KAT6B: variants seen among roughly 807,000 people sequenced by gnomAD.
The protein encoded by KAT6B is histone acetyltransferase KAT6B.
A neutral mutation model predicts 187.5 loss-of-function variants in KAT6B; 10 were observed. That is an observed-to-expected ratio of 0.05 (90% CI 0.03 to 0.09). The LOEUF is 0.09. Ranked by LOEUF, KAT6B falls within the 10% of genes least tolerant of loss-of-function variation. The pLI is 1.00. For missense variants in KAT6B, 1,952 were observed against 2,558.9 expected, an observed-to-expected ratio of 0.76 and a Z score of 5.12; for synonymous variants, 861 against 926.8, an observed-to-expected ratio of 0.93 and a Z score of 1.29.
At chr10:74,898,286 C>G (rs910618886) in intron 3 of KAT6B, among the ~76,000 whole-genome samples, 5 of 152,168 alleles carry the variant, frequency 3.3e-5, no homozygotes, top group Admixed American at 6.5e-5. Context: ...GCTGCTTCTA[C>G]CTGTGCTATG....
chr10:74,984,346 G>A (rs935497720), intron 11 of KAT6B: 1 of 152,160 alleles, frequency 6.6e-6, no homozygotes, highest in Admixed American at 6.5e-5. Flanking sequence ...TCTTGAATCT[G>A]CTGTGTTTTC....
At chr10:74,897,214 C>A (rs1042156581) in intron 3 of KAT6B, among the ~76,000 whole-genome samples, 1 of 152,138 alleles carries the variant, frequency 6.6e-6, no homozygotes. Context: ...TTATTATAAT[C>A]CTGAGCCTAA....
chr10:74,877,931 GAAAA>G (rs111871596), intron 3 of KAT6B, among the ~76,000 whole-genome samples: 1 of 129,972 alleles, frequency 7.7e-6, no homozygotes, highest in Non-Finnish European at 1.7e-5. Context: ...GATTGTAAAA[GAAAA>G]AAAAAAAGCA....
chr10:75,006,932 G>A (rs1385921883), intron 13 of KAT6B, among the ~76,000 whole-genome samples: 1 of 151,904 alleles, frequency 6.6e-6, no homozygotes, highest in African/African-American at 2.4e-5. Context: ...TCCGGGTGTT[G>A]CGGCATGCAC....
At chr10:75,021,374 G>C in intron 15 of KAT6B, 89 bp downstream of exon 15, 1 of 1,368,882 alleles carries the variant, frequency 7.3e-7, no homozygotes, top group Non-Finnish European at 1.0e-6. Flanking sequence ...GTTGTCAAAA[G>C]CTTGGTTATG....
chr10:74,942,979 TTAAG>T (rs1311347553), intron 3 of KAT6B, among the ~76,000 whole-genome samples: 2 of 152,062 alleles, frequency 1.3e-5, no homozygotes, highest in African/African-American at 2.4e-5. Context: ...TCTTACAGTA[TTAAG>T]TATTAATGAT....
At chr10:74,999,149 A>G (rs1843652655) in intron 13 of KAT6B, among the ~76,000 whole-genome samples, 1 of 152,256 alleles carries the variant, frequency 6.6e-6, no homozygotes, top group Admixed American at 6.5e-5. Context: ...GAGGCCTGAC[A>G]GTGAGGATGC....
rs146494314 is a variant in KAT6B, at chr10:75,029,655, G to A, written c.4831G>A (p.Val1611Ile). The change falls in exon 18 of 18, where the codon GTA becomes ATA. Residue 1611 changes from valine to isoleucine, a missense_variant. Physicochemically the swap from Val to Ile is conservative, Grantham distance 29. This residue lies in a region of KAT6B where 758 missense variants were observed against 891.4 expected (regional missense o/e 0.85). Transcript: ENST00000287239. This position sits in a 1 kb window ranked among gnomAD's most constrained non-coding sequence, Gnocchi z 6.2. The stretch of plus-strand genomic sequence containing the variant: ...CGTCCACTCCCATCCTGGCCAGTCC[G>A]TACGTTCTGTCAACAGCCCAAGTGT... ...SSVHSHPGQS[V>I]RSVNSPSVPA... 1.9e-5 allele frequency: 30 copies of A among 1,613,986 alleles called. No homozygotes were observed. Among genetic ancestry groups the A allele is most frequent in the African/African-American group, 9.3e-5 (7 of 74,910 alleles).
At chr10:74,989,858 T>C (rs977498591) in intron 13 of KAT6B, among the ~76,000 whole-genome samples, 16 of 152,036 alleles carry the variant, frequency 1.1e-4, no homozygotes, top group Admixed American at 2.0e-4. Context: ...CTAGATAACA[T>C]GATGACCAGA....
intron 3 of KAT6B, among the ~76,000 whole-genome samples, chr10:74,865,703 A>C (rs1332461869): frequency 1.3e-5 from 2 of 152,078 alleles, no homozygotes; most frequent in Non-Finnish European, 1.5e-5. Flanking sequence ...TTTAGTAGAG[A>C]GGGAGTTTCA....
intron 13 of KAT6B, among the ~76,000 whole-genome samples, chr10:74,996,276 A>G (rs1452255406): frequency 2.0e-5 from 3 of 152,226 alleles, no homozygotes; most frequent in Admixed American, 1.3e-4. Context: ...CAAATCAACA[A>G]ATGTTGCATA....
At chr10:74,894,466 G>A (rs1342512189) in intron 3 of KAT6B, among the ~76,000 whole-genome samples, 2 of 152,154 alleles carry the variant, frequency 1.3e-5, no homozygotes, top group South Asian at 2.1e-4. Context: ...ATTTTTAAGT[G>A]TGTAGTATGG....
At chr10:74,927,833 A>G (rs1281679416) in intron 3 of KAT6B, among the ~76,000 whole-genome samples, 1 of 152,110 alleles carries the variant, frequency 6.6e-6, no homozygotes, top group African/African-American at 2.4e-5. Context: ...CCAAGTACTC[A>G]TGTGTGACTC....
At chr10:74,863,444 A>T (rs1267010370) in intron 3 of KAT6B, among the ~76,000 whole-genome samples, 2 of 152,252 alleles carry the variant, frequency 1.3e-5, no homozygotes, top group African/African-American at 4.8e-5. Context: ...GCATGTGTGG[A>T]TAATTATTTC....
chr10:74,976,727 G>T (rs978219108), intron 8 of KAT6B: 2 of 317,564 alleles, frequency 6.3e-6, no homozygotes, highest in Non-Finnish European at 1.2e-5. Flanking sequence ...CCAACAGGGG[G>T]TGTTTCAGCT....
intron 3 of KAT6B, among the ~76,000 whole-genome samples, chr10:74,958,681 A>G (rs1339231190): frequency 6.6e-6 from 1 of 152,130 alleles, no homozygotes; most frequent in East Asian, 1.9e-4. Context: ...GTTAAAAGCA[A>G]TTTTCATACG....
intron 13 of KAT6B, among the ~76,000 whole-genome samples, chr10:75,014,465 T>A (rs574261909): frequency 1.3e-5 from 2 of 152,330 alleles, no homozygotes; most frequent in East Asian, 3.9e-4. Context: ...ATAGGATTTT[T>A]TTTAATTTAA....
chr10:74,836,347 A>G (rs943448942), intron 1 of KAT6B, among the ~76,000 whole-genome samples: 1 of 152,248 alleles, frequency 6.6e-6, no homozygotes, highest in African/African-American at 2.4e-5. Flanking sequence ...ATGGAATTAC[A>G]GAACCATATG....
chr10:74,855,996 T>C, intron 3 of KAT6B, among the ~76,000 whole-genome samples: 1 of 152,332 alleles, frequency 6.6e-6, no homozygotes, highest in African/African-American at 2.4e-5. Context: ...TGTTCTCTTA[T>C]ATACTATACT....
Sources: allele counts gnomAD v4.1 joint callset (sites outside exome capture counted in the v4.1 genomes callset), GRCh38; gene constraint gnomAD v4.1.1; regional missense constraint gnomAD v4.1.1; non-coding constraint Gnocchi (gnomAD v3.1); transcripts MANE v1.5; gene names NCBI Gene and HGNC (gene_info 2026-07-23, HGNC 2026-07-21).